The following DYNC2LI1 variants were observed in gnomAD, a reference collection of about 807,000 sequenced individuals.
The protein encoded by DYNC2LI1 is dynein cytoplasmic 2 light intermediate chain 1.
In DYNC2LI1, 45 loss-of-function variants were observed where a neutral mutation model predicts 51.9. The ratio of observed to expected loss-of-function variants is 0.87; its 90% confidence interval spans 0.68 to 1.11. DYNC2LI1 has a LOEUF of 1.11. Among genes scored for constraint, DYNC2LI1 ranks in the 50% most tolerant of loss-of-function variants. The pLI, the probability that DYNC2LI1 is intolerant of heterozygous loss-of-function variation, is 0.00. For synonymous variants in DYNC2LI1, 130 were observed against 137.8 expected (o/e 0.94, Z 0.40); for missense variants, 490 against 417.4 (o/e 1.17, Z -1.51).
the DYNC2LI1 span, among the ~76,000 whole-genome samples, chr2:43,823,710 C>G: frequency 2.0e-5 from 3 of 152,144 alleles, no homozygotes; most frequent in African/African-American, 7.2e-5. Flanking sequence ...GATCCTTAGC[C>G]CTCAGAGAGA....
chr2:43,816,567 G>A, the DYNC2LI1 span, among the ~76,000 whole-genome samples: 3 of 152,010 alleles, frequency 2.0e-5, no homozygotes, highest in African/African-American at 4.8e-5. Flanking sequence ...TTTTTTGAAC[G>A]GAGTCTTGTT....
rs1674019469 is a variant in DYNC2LI1, at chr2:43,795,973, T to G, written c.576+15T>G. On this transcript the variant is annotated intron_variant, in intron 7 of 12. Coordinates refer to ENST00000260605, the MANE Select transcript of DYNC2LI1 (RefSeq NM_016008.4). ...ATGTTTTTCAGGTAAGCTCTTCCGC[T>G]TCTAGCTGAGTTTGTTGTACATATA... is the stretch of plus-strand genomic sequence containing the variant. 1 of 1,603,396 alleles carries G rather than the reference T, an allele frequency of 6.2e-7. No homozygotes were observed. The highest frequency in any genetic ancestry group is 8.5e-7 in the Non-Finnish European group (1 of 1,170,698).
At chr2:43,811,124 T>C (rs1373028807), downstream of DYNC2LI1, among the ~76,000 whole-genome samples, 1 of 152,210 alleles carries the variant, frequency 6.6e-6, no homozygotes, top group Non-Finnish European at 1.5e-5. Flanking sequence ...CCCATATCTT[T>C]AGTAAGTTGA....
At chr2:43,807,081 C>T (rs375515366) in intron 12 of DYNC2LI1, among the ~76,000 whole-genome samples, 99 of 152,082 alleles carry the variant, frequency 6.5e-4, no homozygotes, top group Middle Eastern at 6.8e-3. Context: ...ATTGATAATC[C>T]GAATCTAAAT....
At chr2:43,827,985 G>C in the DYNC2LI1 span, 1 of 1,613,994 alleles carries the variant, frequency 6.2e-7, no homozygotes, top group Non-Finnish European at 8.5e-7. Flanking sequence ...CCACTTACTA[G>C]GATCCTGGAG....
intron 2 of DYNC2LI1, 134 bp downstream of exon 2, chr2:43,777,033 A>T (rs1673059851): frequency 4.2e-6 from 2 of 477,162 alleles, no homozygotes; most frequent in Admixed American, 6.9e-5. Context: ...TGAATTAAAA[A>T]GTGCTTATTA....
At chr2:43,822,804 A>G in the DYNC2LI1 span, 1 of 1,614,074 alleles carries the variant, frequency 6.2e-7, no homozygotes, top group East Asian at 2.2e-5. Context: ...CACCAGTAGC[A>G]CACACTGCTG....
intron 10 of DYNC2LI1, among the ~76,000 whole-genome samples, chr2:43,801,933 T>G (rs1666090604): frequency 6.6e-6 from 1 of 152,156 alleles, no homozygotes; most frequent in Non-Finnish European, 1.5e-5. Context: ...ATTTTTCATT[T>G]CTGATCTCTA....
Position 43,800,539 on chromosome 2 carries a change from A to G in DYNC2LI1, c.655-302A>G, listed in dbSNP as rs3792014. On this transcript the variant is annotated intron_variant, in intron 8 of 12. Coordinates refer to ENST00000260605, the MANE Select transcript of DYNC2LI1 (RefSeq NM_016008.4). ...ACAGCCCATAAACATACATTCATAT[A>G]TATATATTTTAAAGAAATTATTTGA... is the stretch of plus-strand genomic sequence containing the variant. Among the ~76,000 whole-genome samples, 921 of 152,284 alleles carry G rather than the reference A, an allele frequency of 6.0e-3. 13 individuals are homozygous for G. Among genetic ancestry groups the G allele is most frequent in the South Asian group, 0.039 (189 of 4,830 alleles).
chr2:43,795,045 T>C, intron 6 of DYNC2LI1: 1 of 1,052,824 alleles, frequency 9.5e-7, no homozygotes, highest in East Asian at 7.0e-5. Flanking sequence ...ACCATCACTC[T>C]GTATTTTACA....
chr2:43,824,206 G>C, the DYNC2LI1 span: 77 of 1,614,110 alleles, frequency 4.8e-5, no homozygotes, highest in African/African-American at 8.3e-4. Context: ...TCTCACATTT[G>C]TGAGCCTCTT....
chr2:43,826,747 G>A, the DYNC2LI1 span, among the ~76,000 whole-genome samples: 2 of 152,200 alleles, frequency 1.3e-5, no homozygotes, highest in Non-Finnish European at 2.9e-5. Flanking sequence ...AAATCCTCCA[G>A]GGCACAGGGA....
chr2:43,822,017 T>C, the DYNC2LI1 span, among the ~76,000 whole-genome samples: 1 of 152,182 alleles, frequency 6.6e-6, no homozygotes, highest in Non-Finnish European at 1.5e-5. Flanking sequence ...TTTGGCTGCA[T>C]TTTCATCTAC....
chr2:43,802,192 A>C (rs1666097900), intron 10 of DYNC2LI1, among the ~76,000 whole-genome samples: 1 of 152,140 alleles, frequency 6.6e-6, no homozygotes, highest in South Asian at 2.1e-4. Context: ...ATCTAATGGA[A>C]TGTATTTCCT....
chr2:43,794,983 A>T (rs1261314287), intron 6 of DYNC2LI1: 1 of 1,205,806 alleles, frequency 8.3e-7, no homozygotes, highest in Non-Finnish European at 1.0e-6. Context: ...CACCTGACAA[A>T]GACTAGATGA....
At chr2:43,824,813 G>T in the DYNC2LI1 span, 1 of 1,583,644 alleles carries the variant, frequency 6.3e-7, no homozygotes, top group Non-Finnish European at 8.7e-7. Flanking sequence ...CACTAGACTG[G>T]TGTCATCCAG....
At chr2:43,785,514 A>C (rs560959212) in intron 3 of DYNC2LI1, among the ~76,000 whole-genome samples, 1 of 151,894 alleles carries the variant, frequency 6.6e-6, no homozygotes, top group Admixed American at 6.6e-5. Context: ...CGGGCATATC[A>C]TTTGAGGTCA....
At chr2:43,827,979 T>A in the DYNC2LI1 span, 1 of 1,613,924 alleles carries the variant, frequency 6.2e-7, no homozygotes, top group Non-Finnish European at 8.5e-7. Flanking sequence ...TGGGTGCCAC[T>A]TACTAGGATC....
the DYNC2LI1 span, chr2:43,822,503 A>T: frequency 2.5e-6 from 2 of 800,100 alleles, no homozygotes; most frequent in Non-Finnish European, 3.0e-6. Context: ...CCTGGGTCCT[A>T]GCTACTTCAG....
Sources: allele counts gnomAD v4.1 joint callset (sites outside exome capture counted in the v4.1 genomes callset), GRCh38; gene constraint gnomAD v4.1.1; transcripts MANE v1.5; gene names NCBI Gene and HGNC (gene_info 2026-07-23, HGNC 2026-07-21).